Variants in PHF13 observed in about 807,000 individuals in gnomAD.
The protein encoded by PHF13 is PHD zinc finger protein PHF5.
A neutral mutation model predicts 25.8 loss-of-function variants in PHF13; 1 was observed. The observed-to-expected ratio is 0.04, with a 90% confidence interval of 0.01 to 0.18. The LOEUF (loss-of-function observed/expected upper bound fraction) is 0.18, where lower values mean the gene tolerates loss of function less well. Ranked by LOEUF, PHF13 falls within the 10% of genes least tolerant of loss-of-function variation. The pLI is 1.00. For missense variants in PHF13, 306 were observed against 403.2 expected, an observed-to-expected ratio of 0.76 and a Z score of 2.06; for synonymous variants, 195 against 162.4, an observed-to-expected ratio of 1.20 and a Z score of -1.53.
chr1:6,614,010 C>G lies in PHF13; in HGVS notation c.-57C>G. On this transcript the variant is annotated 5_prime_UTR_variant, in exon 1 of 4. Transcript: ENST00000377648. ...CCGAGCCCCCAGCCCCGGGCGGCCC[C>G]GCTCCAGCATCCCAGCTCCTGCACT... is the stretch of plus-strand genomic sequence containing the variant. 5 of 1,444,638 alleles carry G rather than the reference C, an allele frequency of 3.5e-6. No homozygotes were observed. Among genetic ancestry groups the G allele is most frequent in the Non-Finnish European group, 4.7e-6 (5 of 1,055,058 alleles). 89.5% of individuals were successfully genotyped at this position (1,444,638 alleles called of 1,614,324 possible).
At position 6,621,778 on chromosome 1, in the gene PHF13, C is replaced by A; in HGVS notation, c.*141C>A. ...TTAGGTGCCTAAGCAAAAGGACAGG[C>A]TGTCCAAGGTAGAAACTGTACATAG... On this transcript the variant is annotated 3_prime_UTR_variant, in exon 4 of 4. Transcript: ENST00000377648. This position sits in a 1 kb window ranked among gnomAD's most constrained non-coding sequence, Gnocchi z 4.8. 1.2e-6 allele frequency: 1 copy of A among 821,050 alleles called. No individual in the cohort carries two copies. The highest frequency in any genetic ancestry group is 2.2e-5 in the Admixed American group (1 of 45,014). 50.9% of individuals were successfully genotyped at this position (821,050 alleles called of 1,614,324 possible).
At position 6,623,851 on chromosome 1, in the gene PHF13, G is replaced by C. The variant is rs1222237932; in HGVS notation, c.*2214G>C. On this transcript the variant is annotated 3_prime_UTR_variant, in exon 4 of 4. Coordinates refer to ENST00000377648, the MANE Select transcript of PHF13 (RefSeq NM_153812.3). ...GGGAGGGATGTCACCCCAAAAGTAG[G>C]CCCTCCCATTGGCTTTGGCCAGGCC... 2 of 152,592 alleles carry C rather than the reference G, an allele frequency of 1.3e-5. No homozygotes were observed. The highest frequency in any genetic ancestry group is 4.8e-5 in the African/African-American group (2 of 41,422). 9.5% of individuals were successfully genotyped at this position (152,592 alleles called of 1,614,324 possible).
chr1:6,614,360 C>T (rs1641220622), intron 1 of PHF13: 1 of 485,458 alleles, frequency 2.1e-6, no homozygotes, highest in South Asian at 2.6e-5. Flanking sequence ...GCCGTTGCGC[C>T]TATTTCTCTC....
chr1:6,614,072 C>T lies in PHF13; in HGVS notation c.6C>T (p.Asp2=), dbSNP rs927920004. The stretch of plus-strand genomic sequence containing the variant: ...CGCCGCCCCCCGCCCGGAACATGGA[C>T]TCTGACTCTTGCGCCGCCGCCTTCC... M[D]SDSCAAAFHP... Residue 2 remains aspartate (D), a synonymous_variant, in exon 1 of 4, where the codon GAC becomes GAT. Coordinates refer to ENST00000377648, the MANE Select transcript of PHF13 (RefSeq NM_153812.3). The T allele has an allele frequency of 3.1e-6, 5 of 1,597,144 alleles. No individual in the cohort carries two copies. Among genetic ancestry groups the T allele is most frequent in the East Asian group, 2.3e-5 (1 of 42,828 alleles).
chr1:6,616,948 G>A (rs902260190), intron 2 of PHF13, 90 bp downstream of exon 2: 2 of 1,105,126 alleles, frequency 1.8e-6, no homozygotes, highest in East Asian at 4.9e-5. Context: ...CTGGTCAGAG[G>A]GTCAGTAGGT....
At chr1:6,614,148 C>T (rs770157830) in intron 1 of PHF13, 43 bp downstream of exon 1, 27 of 1,586,008 alleles carry the variant, frequency 1.7e-5, no homozygotes, top group African/African-American at 5.6e-5. Flanking sequence ...ACCACCCCCT[C>T]CGCGATCCTG....
In PHF13 at chr1:6,622,089, A is replaced by G. The variant is rs1641347696; in HGVS notation, c.*452A>G. The G allele has an allele frequency of 4.5e-6, 1 of 223,744 alleles. No individual in the cohort carries two copies. Among genetic ancestry groups the G allele is most frequent in the Admixed American group, 5.1e-5 (1 of 19,610 alleles). 13.9% of individuals were successfully genotyped at this position (223,744 alleles called of 1,614,324 possible). On this transcript the variant is annotated 3_prime_UTR_variant, in exon 4 of 4. Coordinates refer to ENST00000377648, the MANE Select transcript of PHF13 (RefSeq NM_153812.3). ...TTTCTTGAGTGTTAAGTCTTTTACCAAAAGTGTCTGTACAGCAGCCATCCA... is the reference window on the plus strand; with the variant it reads ...TTTCTTGAGTGTTAAGTCTTTTACCGAAAGTGTCTGTACAGCAGCCATCCA...
Position 6,613,908 on chromosome 1 carries a change from G to C in PHF13, c.-159G>C. The C allele has an allele frequency of 1.8e-6, 1 of 543,018 alleles. No individual in the cohort carries two copies. The highest frequency in any genetic ancestry group is 3.2e-6 in the Non-Finnish European group (1 of 312,716). 33.6% of individuals were successfully genotyped at this position (543,018 alleles called of 1,614,324 possible). ...GCCAGTCCGGGGTCACAGAGCTTGAGAAGCGACGCGCTGAGCCCCCCATCA... is the reference window on the plus strand; with the variant it reads ...GCCAGTCCGGGGTCACAGAGCTTGACAAGCGACGCGCTGAGCCCCCCATCA... On this transcript the variant is annotated 5_prime_UTR_variant, in exon 1 of 4. Coordinates refer to ENST00000377648, the MANE Select transcript of PHF13 (RefSeq NM_153812.3).
intron 1 of PHF13, among the ~76,000 whole-genome samples, chr1:6,616,025 ATTTT>A (rs5772244): frequency 1.3e-4 from 12 of 91,772 alleles, no homozygotes; most frequent in Middle Eastern, 9.3e-3. Context: ...TGAGTGGTTG[ATTTT>A]TTTTTTTTTT....
intron 1 of PHF13, among the ~76,000 whole-genome samples, 193 bp from the exon 2 acceptor site, chr1:6,616,564 T>G (rs1200874697): frequency 6.6e-6 from 1 of 152,240 alleles, no homozygotes; most frequent in Non-Finnish European, 1.5e-5. Context: ...GTCTTAATAC[T>G]CCTCTTTCTG....
At chr1:6,620,560 CA>C (rs1213611561) in intron 3 of PHF13, among the ~76,000 whole-genome samples, 1 of 152,114 alleles carries the variant, frequency 6.6e-6, no homozygotes, top group African/African-American at 2.4e-5. Flanking sequence ...GACCTTAGAA[CA>C]TAAAAAGGGT....
At chr1:6,614,931 G>A (rs961637702) in intron 1 of PHF13, among the ~76,000 whole-genome samples, 11 of 150,638 alleles carry the variant, frequency 7.3e-5, no homozygotes, top group African/African-American at 2.7e-4. Context: ...CGGCGCCGGA[G>A]CCCGCCGGTC....
At chr1:6,620,472 G>A (rs764942027) in intron 3 of PHF13, 135 bp downstream of exon 3, 9 of 1,008,094 alleles carry the variant, frequency 8.9e-6, no homozygotes, top group Non-Finnish European at 1.1e-5. Context: ...TGTCCAAGGA[G>A]GAGAAAAGCT....
chr1:6,617,629 G>A (rs1236699765), intron 2 of PHF13, among the ~76,000 whole-genome samples: 1 of 150,182 alleles, frequency 6.7e-6, no homozygotes, highest in Non-Finnish European at 1.5e-5. Context: ...GGGTTTCACC[G>A]TGTTGTCGAG....
intron 1 of PHF13, among the ~76,000 whole-genome samples, chr1:6,616,500 A>T (rs1641263249): frequency 6.6e-6 from 1 of 152,234 alleles, no homozygotes; most frequent in African/African-American, 2.4e-5. Flanking sequence ...TAAGAAATAG[A>T]CTTTTGTAGA....
chr1:6,620,835 T>A (rs529136226), intron 3 of PHF13, among the ~76,000 whole-genome samples: 19 of 149,332 alleles, frequency 1.3e-4, no homozygotes, highest in African/African-American at 4.4e-4. Context: ...CTGACCAACA[T>A]GGTGAAACCC....
chr1:6,620,730 C>G (rs1641326004), intron 3 of PHF13, among the ~76,000 whole-genome samples: 1 of 151,400 alleles, frequency 6.6e-6, no homozygotes, highest in African/African-American at 2.4e-5. Context: ...TGCAAAAATA[C>G]AAAAAAAGGC....
chr1:6,615,286 G>C (rs2148708978), intron 1 of PHF13, among the ~76,000 whole-genome samples: 1 of 152,314 alleles, frequency 6.6e-6, no homozygotes, highest in Admixed American at 6.5e-5. Context: ...CGAAAGAAAA[G>C]TTCTTCGCGG....
In PHF13 at chr1:6,620,211, G is replaced by A. The variant is rs1310911695; in HGVS notation, c.550G>A (p.Val184Met). The A allele has an allele frequency of 6.2e-7, 1 of 1,614,030 alleles. No homozygotes were observed. The highest frequency in any genetic ancestry group is 1.1e-5 in the South Asian group (1 of 91,084). Residue 184 changes from valine to methionine, a missense_variant, in exon 3 of 4, where the codon GTG becomes ATG. This residue lies in a region of PHF13 where 186 missense variants were observed against 164.0 expected (regional missense o/e 1.13). Coordinates refer to ENST00000377648, the MANE Select transcript of PHF13 (RefSeq NM_153812.3). ...DTPSSGSCAT[V>M]SPDQVKEIKT... ...TCCCTCGAGTGGATCTTGTGCCACT[G>A]TGTCACCTGATCAGGTCAAAGAAAT... is the stretch of plus-strand genomic sequence containing the variant.
Sources: gnomAD v4.1 joint callset for allele counts (sites outside exome capture counted in the v4.1 genomes callset) on GRCh38, gnomAD v4.1.1 for gene constraint, gnomAD v4.1.1 regional missense constraint, Gnocchi (gnomAD v3.1) non-coding constraint, MANE v1.5 for transcripts, NCBI Gene and HGNC (gene_info 2026-07-23, HGNC 2026-07-21) for gene names.